The following SPTLC2 variants were observed in gnomAD, a reference collection of about 807,000 sequenced individuals.
The protein encoded by SPTLC2 is serine palmitoyltransferase 2.
In SPTLC2, 21 loss-of-function variants were observed where a neutral mutation model predicts 62.0. That is an observed-to-expected ratio of 0.34 (90% confidence interval 0.24 to 0.49). The LOEUF (loss-of-function observed/expected upper bound fraction) is 0.49, where lower values mean the gene tolerates loss of function less well. Ranked by LOEUF, SPTLC2 falls within the 20% of genes least tolerant of loss-of-function variation. The probability of loss-of-function intolerance (pLI) is 0.99; values close to 1 mark genes in which losing one functional copy is unlikely to be tolerated. For synonymous variants in SPTLC2, 261 were observed against 261.8 expected (o/e 1.00, Z 0.03); for missense variants, 511 against 713.0 (o/e 0.72, Z 3.23).
chr14:77,529,335 T>G (rs1385376146), intron 9 of SPTLC2, among the ~76,000 whole-genome samples: 1 of 150,878 alleles, frequency 6.6e-6, no homozygotes. Context: ...TGTTCTCCAC[T>G]GATAGAAATA....
At chr14:77,576,294 T>C (rs1333791838) in intron 4 of SPTLC2, among the ~76,000 whole-genome samples, 1 of 152,198 alleles carries the variant, frequency 6.6e-6, no homozygotes, top group East Asian at 1.9e-4. Flanking sequence ...AAAACAATAA[T>C]AAAAAGAGTT....
intron 1 of SPTLC2, among the ~76,000 whole-genome samples, chr14:77,598,708 G>A (rs1258383388): frequency 6.6e-6 from 1 of 152,210 alleles, no homozygotes; most frequent in Non-Finnish European, 1.5e-5. Context: ...AAGGTGGGCA[G>A]ATAACTTGAG....
intron 1 of SPTLC2, 121 bp from the exon 2 acceptor site, chr14:77,597,501 G>T: frequency 1.1e-6 from 1 of 923,190 alleles, no homozygotes; most frequent in Non-Finnish European, 1.7e-6. Context: ...TCCGCCGGGC[G>T]CACTGGCTCA....
In SPTLC2 at chr14:77,588,996, C is replaced by CA. The variant is rs60536883; in HGVS notation, c.327+8189dup. ...TGGGTGACAGAGTAAGACCTTGTCT[C>CA]AAAAAAAAAAAAAAAAAAAAAAAAA... On this transcript the variant is annotated intron_variant, in intron 2 of 11. Coordinates refer to ENST00000216484, the MANE Select transcript of SPTLC2 (RefSeq NM_004863.4). Among the ~76,000 whole-genome samples, 218 of 74,590 alleles carry CA rather than the reference C, an allele frequency of 2.9e-3. 3 individuals are homozygous for CA. Among genetic ancestry groups the CA allele is most frequent in the Non-Finnish European group, 3.8e-3 (157 of 41,686 alleles). 48.9% of individuals were successfully genotyped at this position (74,590 alleles called of 152,430 possible).
chr14:77,570,523 T>TA lies in SPTLC2; in HGVS notation c.632-16dup, dbSNP rs772653913. 6.2e-7 allele frequency: 1 copy of TA among 1,611,472 alleles called. No homozygotes were observed. The highest frequency in any genetic ancestry group is 8.5e-7 in the Non-Finnish European group (1 of 1,179,432). ...GTCCAGGTTTCCTGTGTGAAGAAGT[T>TA]AATAAAGTCAGTATCACAAAATCCT... On this transcript the variant is annotated splice_polypyrimidine_tract_variant and intron_variant, in intron 4 of 11. Coordinates refer to ENST00000216484, the MANE Select transcript of SPTLC2 (RefSeq NM_004863.4).
At chr14:77,613,896 G>A (rs140533106) in intron 1 of SPTLC2, among the ~76,000 whole-genome samples, 21 of 152,342 alleles carry the variant, frequency 1.4e-4, no homozygotes, top group African/African-American at 4.8e-4. Flanking sequence ...TTGCTCTCAT[G>A]TAGTTACCAA....
At position 77,592,870 on chromosome 14, in the gene SPTLC2, G is replaced by A. The variant is rs184136227; in HGVS notation, c.327+4316C>T. Among the ~76,000 whole-genome samples, 3 of 152,282 alleles carry A rather than the reference G, an allele frequency of 2.0e-5. No homozygotes were observed. The East Asian group carries it at 5.8e-4, about 29-fold the overall frequency. ...CACTCCTGTAATCCCAGCACTTTGG[G>A]AGGCCAAGGCAGGCTGAGGTCAGGA... is the stretch of plus-strand genomic sequence containing the variant. On this transcript the variant is annotated intron_variant, in intron 2 of 11. Coordinates refer to ENST00000216484, the MANE Select transcript of SPTLC2 (RefSeq NM_004863.4).
chr14:77,546,056 A>C (rs2079526579), intron 9 of SPTLC2, among the ~76,000 whole-genome samples: 1 of 152,204 alleles, frequency 6.6e-6, no homozygotes, highest in African/African-American at 2.4e-5. Flanking sequence ...TCACAATTAA[A>C]CTTTGGAAAA....
intron 9 of SPTLC2, among the ~76,000 whole-genome samples, chr14:77,544,368 G>A (rs932338181): frequency 6.6e-6 from 1 of 152,122 alleles, no homozygotes; most frequent in African/African-American, 2.4e-5. Flanking sequence ...CCAAGACTCA[G>A]TAGGGTGGGT....
At chr14:77,591,970 C>T (rs961016377) in intron 2 of SPTLC2, among the ~76,000 whole-genome samples, 4 of 151,898 alleles carry the variant, frequency 2.6e-5, no homozygotes, top group African/African-American at 7.3e-5. Context: ...GTGATCCGCC[C>T]GCCTTGGCCT....
intron 1 of SPTLC2, among the ~76,000 whole-genome samples, chr14:77,610,065 T>C (rs1217810069): frequency 6.6e-6 from 1 of 152,216 alleles, no homozygotes; most frequent in African/African-American, 2.4e-5. Flanking sequence ...AATTTCTCTA[T>C]ATCCTCATGA....
At position 77,570,556 on chromosome 14, in the gene SPTLC2, AG is replaced by A. The variant is rs11344772; in HGVS notation, c.632-49del. The A allele has an allele frequency of 0.51, 824,938 of 1,608,518 alleles. 217,380 individuals are homozygous for A. The highest frequency in any genetic ancestry group is 0.89 in the East Asian group (40,013 of 44,742). On this transcript the variant is annotated intron_variant, in intron 4 of 11. Transcript: ENST00000216484. ...TCAGTATCACAAAATCCTGAATTTA[AG>A]AATTACTCATCACTTTATTAAAAGA...
At chr14:77,557,288 G>A (rs894047896) in intron 6 of SPTLC2, 142 bp from the exon 7 acceptor site, 19 of 697,876 alleles carry the variant, frequency 2.7e-5, no homozygotes, top group African/African-American at 1.1e-4. Flanking sequence ...AAAAAAGCAG[G>A]GCAAAATAGG....
intron 1 of SPTLC2, among the ~76,000 whole-genome samples, chr14:77,600,365 A>G (rs2079870561): frequency 6.6e-6 from 1 of 152,204 alleles, no homozygotes; most frequent in South Asian, 2.1e-4. Context: ...CTGATGATAC[A>G]GGGAGGCAGA....
intron 9 of SPTLC2, among the ~76,000 whole-genome samples, chr14:77,550,777 T>C (rs907012569): frequency 2.0e-5 from 3 of 151,436 alleles, no homozygotes; most frequent in African/African-American, 7.3e-5. Flanking sequence ...GGTGGCAGAC[T>C]CCTGTGGTCC....
chr14:77,573,458 A>G (rs2079695330), intron 4 of SPTLC2, among the ~76,000 whole-genome samples: 1 of 152,016 alleles, frequency 6.6e-6, no homozygotes, highest in Non-Finnish European at 1.5e-5. Flanking sequence ...ACACAAATGT[A>G]CAAATGTTAT....
chr14:77,558,326 G>A (rs926790241), intron 6 of SPTLC2, among the ~76,000 whole-genome samples: 3 of 106 alleles, frequency 0.028, no homozygotes, highest in South Asian at 0.25. Context: ...GATTACAGGC[G>A]TGAGCACCAC....
At chr14:77,590,901 T>C (rs1595009273) in intron 2 of SPTLC2, among the ~76,000 whole-genome samples, 1 of 152,094 alleles carries the variant, frequency 6.6e-6, no homozygotes, top group East Asian at 1.9e-4. Flanking sequence ...AAAGCTTTCC[T>C]GGCATGAAAA....
rs11622425 is a variant in SPTLC2, at chr14:77,570,051, G to A, written c.756+333C>T. Among the ~76,000 whole-genome samples the A allele has an allele frequency of 0.56, 83,621 of 148,700 alleles. 24,568 individuals are homozygous for A. Among genetic ancestry groups the A allele is most frequent in the East Asian group, 0.91 (4,572 of 5,042 alleles). On this transcript the variant is annotated intron_variant, in intron 5 of 11. Transcript: ENST00000216484. Reference sequence around the variant, plus strand: ...AGGCTGGCCAACATGGTGAAACCCCGCCTCTGCTAAAAATACAAAAAATTA... The same window carrying A: ...AGGCTGGCCAACATGGTGAAACCCCACCTCTGCTAAAAATACAAAAAATTA...
Sources: allele counts gnomAD v4.1 joint callset (sites outside exome capture counted in the v4.1 genomes callset), GRCh38; gene constraint gnomAD v4.1.1; transcripts MANE v1.5; gene names NCBI Gene and HGNC (gene_info 2026-07-23, HGNC 2026-07-21).